The following EPHA3 variants were observed in gnomAD, a reference collection of about 807,000 sequenced individuals.
The protein encoded by EPHA3 is EPH receptor A3, also known as ephrin type-A receptor 3.
In EPHA3, 42 loss-of-function variants were observed where a neutral mutation model predicts 107.1. That is an observed-to-expected ratio of 0.39 (90% CI 0.31 to 0.51). The LOEUF (loss-of-function observed/expected upper bound fraction) is 0.51, where lower values mean the gene tolerates loss of function less well. Among genes scored for constraint, EPHA3 ranks in the 20% least tolerant of loss-of-function variants. The pLI, the probability that EPHA3 is intolerant of heterozygous loss-of-function variation, is 0.78. For missense variants in EPHA3, 1,183 were observed against 1,211.2 expected (o/e 0.98, Z 0.35); for synonymous variants, 461 against 424.8 (o/e 1.09, Z -1.05).
rs1006646278 is a variant in EPHA3, at chr3:89,252,835, TTA to T, written c.814+42324_814+42325del. Among the ~76,000 whole-genome samples the T allele has an allele frequency of 3.0e-3, 454 of 149,844 alleles. 2 individuals are homozygous for T. The highest frequency in any genetic ancestry group is 0.011 in the African/African-American group (445 of 41,136). ...TTTATTGTTCATTAAGATTTTTAATTTATATATATAATTTTTATATACATTAT... is the reference window on the plus strand; with the variant it reads ...TTTATTGTTCATTAAGATTTTTAATTTATATATAATTTTTATATACATTAT... On this transcript the variant is annotated intron_variant, in intron 3 of 16. Coordinates refer to ENST00000336596, the MANE Select transcript of EPHA3 (RefSeq NM_005233.6).
intron 3 of EPHA3, among the ~76,000 whole-genome samples, chr3:89,297,765 T>C (rs1706392668): frequency 6.6e-6 from 1 of 152,132 alleles, no homozygotes; most frequent in Non-Finnish European, 1.5e-5. Context: ...CCAGGCATGG[T>C]GGCTCACGCC....
At chr3:89,459,541 C>CCTTT (rs1331601472) in intron 15 of EPHA3, among the ~76,000 whole-genome samples, 11 of 149,658 alleles carry the variant, frequency 7.4e-5, no homozygotes, top group African/African-American at 2.5e-4. Context: ...TTCCTTTCTT[C>CCTTT]CTTTCTTTCT....
intron 2 of EPHA3, among the ~76,000 whole-genome samples, chr3:89,128,866 G>A (rs1704144476): frequency 6.6e-6 from 1 of 151,878 alleles, no homozygotes; most frequent in African/African-American, 2.4e-5. Context: ...GGGAATTGGG[G>A]GAAATGAATT....
chr3:89,240,487 A>G (rs1704870065), intron 3 of EPHA3, among the ~76,000 whole-genome samples: 1 of 152,162 alleles, frequency 6.6e-6, no homozygotes, highest in Admixed American at 6.5e-5. Flanking sequence ...TTCATGACAC[A>G]TATAATAAAG....
intron 3 of EPHA3, among the ~76,000 whole-genome samples, chr3:89,314,948 C>A (rs1706858962): frequency 6.6e-6 from 1 of 151,850 alleles, no homozygotes; most frequent in Non-Finnish European, 1.5e-5. Context: ...CATACTTTGG[C>A]TTTATGGTGT....
At chr3:89,460,823 C>CTCTCTTTTTTTTTTTTTT (rs1199238290) in intron 15 of EPHA3, among the ~76,000 whole-genome samples, 1 of 103,034 alleles carries the variant, frequency 9.7e-6, no homozygotes, top group Non-Finnish European at 2.1e-5. Flanking sequence ...CTCTGTCTCT[C>CTCTCTTTTTTTTTTTTTT]TTTTTTTTTT....
At position 89,124,228 on chromosome 3, in the gene EPHA3, T is replaced by C. The variant is rs543613726; in HGVS notation, c.89-2981T>C. Among the ~76,000 whole-genome samples, 5 of 152,270 alleles carry C rather than the reference T, an allele frequency of 3.3e-5. 1 individual carries two copies. The South Asian group carries it at 8.3e-4, about 25-fold the overall frequency. On this transcript the variant is annotated intron_variant, in intron 1 of 16. Coordinates refer to ENST00000336596, the MANE Select transcript of EPHA3 (RefSeq NM_005233.6). The stretch of plus-strand genomic sequence containing the variant: ...GGGACAGCATTATAGTAACCAAAGT[T>C]CTTGCCTGTATCAGTGTGAGATTTA...
Position 89,107,796 on chromosome 3 carries a change from C to G in EPHA3, c.48C>G (p.Leu16=), listed in dbSNP as rs1191363765. The G allele has an allele frequency of 1.2e-6, 2 of 1,614,050 alleles. No homozygotes were observed. Residue 16 remains leucine (L), a synonymous_variant, in exon 1 of 17, where the codon CTC becomes CTG. Coordinates refer to ENST00000336596, the MANE Select transcript of EPHA3 (RefSeq NM_005233.6). ...TCCTCCTTCTCAGCTGCTCTGTTCT[C>G]GACAGCTTCGGGGAACTGATTCCGC... ...SILLLLSCSV[L]DSFGELIPQP...
chr3:89,179,943 C>T (rs1705404803), intron 2 of EPHA3, among the ~76,000 whole-genome samples: 1 of 150,894 alleles, frequency 6.6e-6, no homozygotes, highest in Admixed American at 6.6e-5. Context: ...TTTTTCAATA[C>T]CCTGAGACTT....
rs1199238290 is a variant in EPHA3, at chr3:89,460,823, C to CTCTTTTTTTTTTTTTTT, written c.2690+10454_2690+10455insCTTTTTTTTTTTTTTTT. 8.7e-3 allele frequency among the ~76,000 whole-genome samples: 881 copies of CTCTTTTTTTTTTTTTTT among 100,920 alleles called. 2 individuals are homozygous for CTCTTTTTTTTTTTTTTT. The highest frequency in any genetic ancestry group is 0.016 in the Admixed American group (162 of 9,952). 66.2% of individuals were successfully genotyped at this position (100,920 alleles called of 152,430 possible). On this transcript the variant is annotated intron_variant, in intron 15 of 16. Transcript: ENST00000336596. Reference sequence around the variant, plus strand: ...ATACCCAAGTGATCTCTCTGTCTCTCTTTTTTTTTTTTTTTATTATACTCT... The same window carrying CTCTTTTTTTTTTTTTTT: ...ATACCCAAGTGATCTCTCTGTCTCTCTCTTTTTTTTTTTTTTTTTTTTTTTTTTTTTTATTATACTCT...
intron 2 of EPHA3, among the ~76,000 whole-genome samples, chr3:89,155,332 C>T (rs1704775670): frequency 6.6e-6 from 1 of 151,934 alleles, no homozygotes; most frequent in Non-Finnish European, 1.5e-5. Flanking sequence ...ATAAAATACC[C>T]TTTTTCTAGT....
intron 3 of EPHA3, among the ~76,000 whole-genome samples, chr3:89,244,106 T>C (rs1369876513): frequency 1.3e-5 from 2 of 152,152 alleles, no homozygotes; most frequent in Non-Finnish European, 2.9e-5. Context: ...TCATTTTACA[T>C]TTGTGTAATA....
At chr3:89,248,192 C>A (rs1705080504) in intron 3 of EPHA3, among the ~76,000 whole-genome samples, 1 of 152,116 alleles carries the variant, frequency 6.6e-6, no homozygotes, top group Non-Finnish European at 1.5e-5. Flanking sequence ...GAAATCCATG[C>A]CCATTTTTCT....
chr3:89,128,750 T>C (rs1704142070), intron 2 of EPHA3, among the ~76,000 whole-genome samples: 1 of 151,242 alleles, frequency 6.6e-6, no homozygotes, highest in Admixed American at 6.6e-5. Flanking sequence ...CTAATAGATA[T>C]GTATATGTTT....
At chr3:89,126,027 G>A (rs932291902) in intron 1 of EPHA3, among the ~76,000 whole-genome samples, 1 of 151,530 alleles carries the variant, frequency 6.6e-6, no homozygotes, top group African/African-American at 2.4e-5. Context: ...TACTTGAGAT[G>A]ACTTTTAAAA....
chr3:89,133,016 A>T (rs948678601), intron 2 of EPHA3, among the ~76,000 whole-genome samples: 2 of 152,244 alleles, frequency 1.3e-5, no homozygotes, highest in Admixed American at 6.5e-5. Context: ...ATTTCTATGC[A>T]TCTAAGAATA....
intron 2 of EPHA3, among the ~76,000 whole-genome samples, chr3:89,133,803 G>A (rs1704254843): frequency 6.6e-6 from 1 of 152,088 alleles, no homozygotes; most frequent in Non-Finnish European, 1.5e-5. Flanking sequence ...CCGGGCTTCA[G>A]AAAACTGCAG....
Position 89,472,619 on chromosome 3 carries a change from A to G in EPHA3, c.2846A>G (p.Asp949Gly). ...SCDTIAKISTDDMKKVGVTVV... is the reference protein window; with the variant it reads ...SCDTIAKISTGDMKKVGVTVV... Reference sequence around the variant, plus strand: ...GACACAATAGCCAAGATTTCCACAGAGTAAGAAAAAAAAATTCATTAAGAA... The same window carrying G: ...GACACAATAGCCAAGATTTCCACAGGGTAAGAAAAAAAAATTCATTAAGAA... The change falls in exon 16 of 17, where the codon GAT becomes GGT. Residue 949 changes from aspartate to glycine, a missense_variant and splice_region_variant. Physicochemically the swap from Asp to Gly is moderately conservative, Grantham distance 94. Transcript: ENST00000336596. 6.2e-7 allele frequency: 1 copy of G among 1,602,078 alleles called. No individual in the cohort carries two copies. The highest frequency in any genetic ancestry group is 8.5e-7 in the Non-Finnish European group (1 of 1,175,980).
chr3:89,163,410 A>C (rs1246076083), intron 2 of EPHA3, among the ~76,000 whole-genome samples: 1 of 152,096 alleles, frequency 6.6e-6, no homozygotes, highest in Non-Finnish European at 1.5e-5. Context: ...AGGAAATAAG[A>C]AAGCTTTCCC....
Sources: allele counts gnomAD v4.1 joint callset (sites outside exome capture counted in the v4.1 genomes callset), GRCh38; gene constraint gnomAD v4.1.1; transcripts MANE v1.5; gene names NCBI Gene and HGNC (gene_info 2026-07-23, HGNC 2026-07-21).